DCLRE1C: variants seen among roughly 807,000 people sequenced by gnomAD.
DCLRE1C encodes the protein DNA cross-link repair 1C, also known as protein artemis.
Under a neutral mutation model 61.4 loss-of-function variants are expected in DCLRE1C, and 47 were observed. That is an observed-to-expected ratio of 0.77 (90% confidence interval 0.61 to 0.98). DCLRE1C has a LOEUF of 0.98. Ranked by LOEUF, DCLRE1C falls within the 50% of genes least tolerant of loss-of-function variation. The probability of loss-of-function intolerance (pLI) is 0.00; values close to 1 mark genes in which losing one functional copy is unlikely to be tolerated. For synonymous variants in DCLRE1C, 337 were observed against 287.6 expected (o/e 1.17, Z -1.74); for missense variants, 858 against 816.0 (o/e 1.05, Z -0.63).
At chr10:14,910,043 C>T (rs1219852136) in intron 13 of DCLRE1C, among the ~76,000 whole-genome samples, 2 of 152,210 alleles carry the variant, frequency 1.3e-5, no homozygotes, top group Non-Finnish European at 2.9e-5. Flanking sequence ...GCACCCAAGA[C>T]TACTGTGTAT....
intron 4 of DCLRE1C, among the ~76,000 whole-genome samples, chr10:14,937,417 G>C (rs1394813696): frequency 6.6e-6 from 1 of 151,502 alleles, no homozygotes; most frequent in Non-Finnish European, 1.5e-5. Flanking sequence ...TCCCCAGCTG[G>C]GATTATAGGC....
At chr10:14,909,965 A>AG (rs1245251024) in intron 13 of DCLRE1C, among the ~76,000 whole-genome samples, 6 of 152,360 alleles carry the variant, frequency 3.9e-5, no homozygotes, top group African/African-American at 1.4e-4. Flanking sequence ...AAATGAAAAA[A>AG]GCCTTACTTA....
rs1166819116 is a variant in DCLRE1C at position 14,907,727 on chromosome 10, CTTTCTT to C, written c.*675_*680del. On this transcript the variant is annotated 3_prime_UTR_variant, in exon 14 of 14. Transcript: ENST00000378278. ...TTAACCTATCAATCACTTGAATTGACTTTCTTTATAGACAGCAGATCACTGGGTTAT... is the reference window on the plus strand; with the variant it reads ...TTAACCTATCAATCACTTGAATTGACTATAGACAGCAGATCACTGGGTTAT... Among the ~76,000 whole-genome samples, 1 of 151,994 alleles carries C rather than the reference CTTTCTT, an allele frequency of 6.6e-6. No individual in the cohort carries two copies. Among genetic ancestry groups the C allele is most frequent in the Admixed American group, 6.6e-5 (1 of 15,246 alleles).
intron 13 of DCLRE1C, among the ~76,000 whole-genome samples, chr10:14,913,287 T>C (rs1835601077): frequency 6.6e-6 from 1 of 152,246 alleles, no homozygotes; most frequent in Non-Finnish European, 1.5e-5. Context: ...CTTTTTTGGG[T>C]AACAAAAAAT....
chr10:14,944,435 G>T (rs1398642149), intron 3 of DCLRE1C, among the ~76,000 whole-genome samples: 1 of 152,020 alleles, frequency 6.6e-6, no homozygotes, highest in South Asian at 2.1e-4. Flanking sequence ...GGAGGCAGAG[G>T]TTGCAGTGAG....
At chr10:14,920,918 G>T (rs1836992579) in intron 12 of DCLRE1C, among the ~76,000 whole-genome samples, 1 of 152,048 alleles carries the variant, frequency 6.6e-6, no homozygotes, top group Non-Finnish European at 1.5e-5. Flanking sequence ...AAGAGGTGGA[G>T]TTTGCAGTGA....
At chr10:14,915,695 T>C (rs75050846) in intron 13 of DCLRE1C, among the ~76,000 whole-genome samples, 10,879 of 151,124 alleles carry the variant, frequency 0.072, 606 homozygotes, top group African/African-American at 0.15. Context: ...ATGGCTTCAC[T>C]GGTAAATTCT....
At chr10:14,924,031 T>A (rs2130798326) in intron 11 of DCLRE1C, among the ~76,000 whole-genome samples, 1 of 152,292 alleles carries the variant, frequency 6.6e-6, no homozygotes, top group South Asian at 2.1e-4. Context: ...CTGTCTGAAA[T>A]AAGGACAGCT....
At position 14,922,971 on chromosome 10, in the gene DCLRE1C, G is replaced by T. The variant is rs761084080; in HGVS notation, c.1061+10C>A. On this transcript the variant is annotated intron_variant, in intron 12 of 13. Transcript: ENST00000378278. Reference sequence around the variant, plus strand: ...GGGGACACCAAGTCCCACAACCAGTGACTACTCACATTTCGACAACTTTAT... The same window carrying T: ...GGGGACACCAAGTCCCACAACCAGTTACTACTCACATTTCGACAACTTTAT... The T allele has an allele frequency of 1.2e-6, 2 of 1,606,822 alleles. No individual in the cohort carries two copies. The highest frequency in any genetic ancestry group is 2.2e-5 in the East Asian group (1 of 44,864).
chr10:14,911,741 C>T (rs1835291261), intron 13 of DCLRE1C, among the ~76,000 whole-genome samples: 1 of 152,158 alleles, frequency 6.6e-6, no homozygotes, highest in African/African-American at 2.4e-5. Flanking sequence ...TTAACTCTTA[C>T]AACTCAATAC....
rs1839629961 is a variant in DCLRE1C, at chr10:14,934,794, G to T, written c.465-19C>A. ...TTTGACTCTGAAAAGAAAAAAAATT[G>T]ATGTTAGCCATCCAATGTGATATAA... On this transcript the variant is annotated intron_variant, in intron 6 of 13. Coordinates refer to ENST00000378278, the MANE Select transcript of DCLRE1C (RefSeq NM_001033855.3). 1 of 1,567,472 alleles carries T rather than the reference G, an allele frequency of 6.4e-7. No individual in the cohort carries two copies. Among genetic ancestry groups the T allele is most frequent in the Non-Finnish European group, 8.8e-7 (1 of 1,137,646 alleles).
At chr10:14,938,513 C>T (rs1840348175) in intron 4 of DCLRE1C, among the ~76,000 whole-genome samples, 2 of 152,014 alleles carry the variant, frequency 1.3e-5, no homozygotes, top group Admixed American at 6.6e-5. Flanking sequence ...AAGTTAAACA[C>T]GGCAAAGCAG....
Position 14,945,087 on chromosome 10 carries a change from TA to T in DCLRE1C, c.246+17del, listed in dbSNP as rs1564471044. 2 of 1,589,536 alleles carry T rather than the reference TA, an allele frequency of 1.3e-6. No individual in the cohort carries two copies. The highest frequency in any genetic ancestry group is 1.7e-5 in the Admixed American group (1 of 58,722). ...TCCCACTTAAAAAAAATTAAGTTAT[TA>T]AAAAAATAAAACTTACAATTCGTTT... On this transcript the variant is annotated intron_variant, in intron 3 of 13. Coordinates refer to ENST00000378278, the MANE Select transcript of DCLRE1C (RefSeq NM_001033855.3).
chr10:14,904,931 G>C lies in DCLRE1C; in HGVS notation c.*3477C>G, dbSNP rs1487138915. Reference sequence around the variant, plus strand: ...TTAAGAGGATGGTGATACATAATTAGTAATCTCAGGGTTTTTTCCCCCATA... The same window carrying C: ...TTAAGAGGATGGTGATACATAATTACTAATCTCAGGGTTTTTTCCCCCATA... On this transcript the variant is annotated 3_prime_UTR_variant, in exon 14 of 14. Transcript: ENST00000378278. Among the ~76,000 whole-genome samples the C allele has an allele frequency of 6.6e-6, 1 of 152,152 alleles. No homozygotes were observed. Among genetic ancestry groups the C allele is most frequent in the African/African-American group, 2.4e-5 (1 of 41,422 alleles).
In DCLRE1C at chr10:14,929,792, C is replaced by T. The variant is rs564132895; in HGVS notation, c.781-1640G>A. ...AATCCAGAACCTTCCAAACCATTAA[C>T]GTTCCATCCCACTCAAATTTCTTTG... is the stretch of plus-strand genomic sequence containing the variant. On this transcript the variant is annotated intron_variant, in intron 9 of 13. Transcript: ENST00000378278. 1.3e-4 allele frequency among the ~76,000 whole-genome samples: 20 copies of T among 152,242 alleles called. No individual in the cohort carries two copies. The South Asian group carries it at 4.1e-3, about 32-fold the overall frequency.
chr10:14,922,077 G>T (rs1837210069), intron 12 of DCLRE1C, among the ~76,000 whole-genome samples: 1 of 152,190 alleles, frequency 6.6e-6, no homozygotes, highest in Admixed American at 6.5e-5. Flanking sequence ...CTGGAGCTCT[G>T]CTAGGACAGG....
At position 14,932,849 on chromosome 10, in the gene DCLRE1C, C is replaced by G. The variant is rs1392493001; in HGVS notation, c.780+5G>C. ...CAATACGAGAGGAATCACTTGCACA[C>G]GTACCTTGGGATGCCGGCATGCATG... On this transcript the variant is annotated splice_donor_5th_base_variant and intron_variant, in intron 9 of 13. Coordinates refer to ENST00000378278, the MANE Select transcript of DCLRE1C (RefSeq NM_001033855.3). The G allele has an allele frequency of 6.2e-7, 1 of 1,614,014 alleles. No individual in the cohort carries two copies. The highest frequency in any genetic ancestry group is 8.5e-7 in the Non-Finnish European group (1 of 1,179,904).
At chr10:14,922,851 G>T in intron 12 of DCLRE1C, 130 bp downstream of exon 12, 3 of 723,674 alleles carry the variant, frequency 4.1e-6, no homozygotes, top group Non-Finnish European at 7.5e-6. Context: ...AAATGGAAAT[G>T]AGTATCAGTT....
Position 14,954,055 on chromosome 10 carries a change from A to T in DCLRE1C, c.-45T>A. 6.2e-7 allele frequency: 1 copy of T among 1,611,050 alleles called. No homozygotes were observed. Among genetic ancestry groups the T allele is most frequent in the Non-Finnish European group, 8.5e-7 (1 of 1,179,318 alleles). ...TCCGGGACCCCAAAACCGCAGCTGAAGCCAAGGCCAGCCCTGACCGCGCCG... is the reference window on the plus strand; with the variant it reads ...TCCGGGACCCCAAAACCGCAGCTGATGCCAAGGCCAGCCCTGACCGCGCCG... On this transcript the variant is annotated 5_prime_UTR_variant, in exon 1 of 14. Transcript: ENST00000378278.
Sources: gnomAD v4.1 joint callset for allele counts (sites outside exome capture counted in the v4.1 genomes callset) on GRCh38, gnomAD v4.1.1 for gene constraint, MANE v1.5 for transcripts, NCBI Gene and HGNC (gene_info 2026-07-23, HGNC 2026-07-21) for gene names.